Variants in CNOT6L observed in about 807,000 individuals in gnomAD.
CNOT6L encodes CCR4-NOT transcription complex subunit 6 like.
A neutral mutation model predicts 64.0 loss-of-function variants in CNOT6L; 7 were observed. The ratio of observed to expected loss-of-function variants is 0.11; its 90% confidence interval spans 0.06 to 0.21. CNOT6L has a LOEUF of 0.21. Ranked by LOEUF, CNOT6L falls within the 10% of genes least tolerant of loss-of-function variation. The pLI, the probability that CNOT6L is intolerant of heterozygous loss-of-function variation, is 1.00. For missense variants in CNOT6L, 245 were observed against 669.0 expected (o/e 0.37, Z 6.99); for synonymous variants, 193 against 243.4 (o/e 0.79, Z 1.93).
At chr4:77,798,636 T>C (rs1255689173) in intron 1 of CNOT6L, among the ~76,000 whole-genome samples, 1 of 152,122 alleles carries the variant, frequency 6.6e-6, no homozygotes, top group Non-Finnish European at 1.5e-5. Flanking sequence ...TTTCATACAC[T>C]AAAGATGAGA....
chr4:77,796,170 T>A (rs541703542), intron 1 of CNOT6L, among the ~76,000 whole-genome samples: 8 of 151,840 alleles, frequency 5.3e-5, no homozygotes, highest in Admixed American at 2.6e-4. Context: ...ATTTTTTTTT[T>A]ATAGAAATTA....
intron 3 of CNOT6L, 93 bp from the exon 4 acceptor site, chr4:77,773,259 G>T: frequency 1.4e-6 from 1 of 707,308 alleles, no homozygotes; most frequent in Non-Finnish European, 2.3e-6. Context: ...AACATACTAT[G>T]AGTGATTGTT....
At chr4:77,819,404 A>G, upstream of CNOT6L, 1 of 1,601,152 alleles carries the variant, frequency 6.2e-7, no homozygotes, top group East Asian at 2.3e-5. Flanking sequence ...AGGCCCCCAC[A>G]GATGCTTCCC....
rs751233314 is a variant in CNOT6L at position 77,720,385 on chromosome 4, A to G, written c.*46T>C. 19 of 1,595,638 alleles carry G rather than the reference A, an allele frequency of 1.2e-5. No homozygotes were observed. Among genetic ancestry groups the G allele is most frequent in the Admixed American group, 3.3e-5 (2 of 59,874 alleles). On this transcript the variant is annotated 3_prime_UTR_variant, in exon 12 of 12. Transcript: ENST00000504123. The stretch of plus-strand genomic sequence containing the variant: ...CCTACATACTTTGATTTACAACTGT[A>G]CAGGTCCATAGCAACAGATCCCCGT...
At position 77,724,443 on chromosome 4, in the gene CNOT6L, A is replaced by C. The variant is rs145963103; in HGVS notation, c.1455+1724T>G. On this transcript the variant is annotated intron_variant, in intron 11 of 11. Transcript: ENST00000504123. The stretch of plus-strand genomic sequence containing the variant: ...GGCCTGAACCCAGGAGTTTGAGACC[A>C]GCATGGGCAACATGGCAAAACCCTG... Among the ~76,000 whole-genome samples, 4 of 152,174 alleles carry C rather than the reference A, an allele frequency of 2.6e-5. No homozygotes were observed. In the East Asian group the frequency reaches 7.7e-4, roughly 29 times the overall value.
intron 1 of CNOT6L, among the ~76,000 whole-genome samples, chr4:77,802,246 T>C (rs952508464): frequency 8.5e-5 from 13 of 152,210 alleles, no homozygotes; most frequent in African/African-American, 2.2e-4. Context: ...ATACTGTATG[T>C]CAGCATTGAT....
chr4:77,716,236 C>T lies in CNOT6L; in HGVS notation c.*4195G>A, dbSNP rs956311676. On this transcript the variant is annotated 3_prime_UTR_variant, in exon 12 of 12. Transcript: ENST00000504123. ...TTGAAAATGTGCCATAAAGTCTTTG[C>T]TTGCTATAAAAACCATTATTTTCCA... is the stretch of plus-strand genomic sequence containing the variant. The T allele has an allele frequency of 1.3e-5, 2 of 152,006 alleles. No individual in the cohort carries two copies. Among genetic ancestry groups the T allele is most frequent in the African/African-American group, 4.8e-5 (2 of 41,434 alleles). The allele number at this position is 152,006 out of a possible 1,614,324, so 9.4% of individuals were successfully genotyped here. A position where few individuals can be genotyped will look rare whatever the true frequency, so the allele number is the denominator to read the frequency against.
intron 1 of CNOT6L, among the ~76,000 whole-genome samples, chr4:77,804,524 T>C (rs1731996998): frequency 6.6e-6 from 1 of 151,856 alleles, no homozygotes; most frequent in South Asian, 2.1e-4. Flanking sequence ...AGTCACATAT[T>C]ATATGATTCT....
chr4:77,758,911 T>A (rs2110007418), intron 4 of CNOT6L, among the ~76,000 whole-genome samples: 1 of 152,052 alleles, frequency 6.6e-6, no homozygotes, highest in East Asian at 2.0e-4. Flanking sequence ...AGACCTAGAG[T>A]AAGATAAATG....
intron 1 of CNOT6L, among the ~76,000 whole-genome samples, chr4:77,777,474 A>T (rs1261070001): frequency 6.6e-6 from 1 of 152,234 alleles, no homozygotes; most frequent in Non-Finnish European, 1.5e-5. Flanking sequence ...TGTATGAAGT[A>T]GGTGACAAAT....
chr4:77,819,453 A>G, upstream of CNOT6L: 1 of 1,428,992 alleles, frequency 7.0e-7, no homozygotes. Flanking sequence ...GCAAACACAA[A>G]CACCCACGGC....
intron 7 of CNOT6L, among the ~76,000 whole-genome samples, chr4:77,743,696 G>A (rs1723868043): frequency 1.4e-5 from 2 of 140,170 alleles, no homozygotes; most frequent in Non-Finnish European, 3.0e-5. Context: ...CTGCTTCCTG[G>A]GTTCAAGCAA....
Position 77,728,918 on chromosome 4 carries a change from T to C in CNOT6L, c.1188A>G (p.Pro396=). Residue 396 remains proline, a synonymous_variant, in exon 10 of 12, where the codon CCA becomes CCG. Transcript: ENST00000504123. ...LEKASSRPGS[P]TADPNSIPLV... ...GCGGGATGGAATTAGGATCTGCAGT[T>C]GGGCTTCCAGGCCTACTAGAGGCTT... The C allele has an allele frequency of 6.2e-7, 1 of 1,613,852 alleles. No individual in the cohort carries two copies.
At chr4:77,745,456 A>G (rs1332750034) in intron 6 of CNOT6L, among the ~76,000 whole-genome samples, 1 of 152,232 alleles carries the variant, frequency 6.6e-6, no homozygotes, top group Non-Finnish European at 1.5e-5. Flanking sequence ...GATGGTTTGC[A>G]TCCTTGCTAC....
At chr4:77,782,047 CTTAAT>C (rs907630285) in intron 1 of CNOT6L, among the ~76,000 whole-genome samples, 5 of 152,074 alleles carry the variant, frequency 3.3e-5, no homozygotes, top group East Asian at 1.9e-4. Flanking sequence ...CTATATGAGG[CTTAAT>C]TTAGAGTTCA....
intron 7 of CNOT6L, 23 bp downstream of exon 7, chr4:77,744,693 GAC>G: frequency 1.3e-6 from 2 of 1,580,026 alleles, no homozygotes; most frequent in Non-Finnish European, 1.7e-6. Flanking sequence ...TTAAGTTAAA[GAC>G]AGTTTAATTT....
At chr4:77,779,068 AAAAAAC>A (rs1560419993) in intron 1 of CNOT6L, among the ~76,000 whole-genome samples, 6 of 105,318 alleles carry the variant, frequency 5.7e-5, no homozygotes, top group East Asian at 5.0e-4. Flanking sequence ...AAAAACAAAA[AAAAAAC>A]ACAAAAAACA....
At chr4:77,774,771 T>G in intron 2 of CNOT6L, 55 bp from the exon 3 acceptor site, 1 of 1,140,968 alleles carries the variant, frequency 8.8e-7, no homozygotes, top group Non-Finnish European at 1.2e-6. Context: ...AGATGACACC[T>G]AAACTACAAC....
chr4:77,737,403 G>A (rs1467140558), intron 8 of CNOT6L, among the ~76,000 whole-genome samples: 1 of 116,048 alleles, frequency 8.6e-6, no homozygotes, highest in Non-Finnish European at 1.7e-5. Flanking sequence ...TATTTGTACC[G>A]TTCTTTTTTT....
Sources: gnomAD v4.1 joint callset for allele counts (sites outside exome capture counted in the v4.1 genomes callset) on GRCh38, gnomAD v4.1.1 for gene constraint, MANE v1.5 for transcripts, NCBI Gene and HGNC (gene_info 2026-07-23, HGNC 2026-07-21) for gene names.